Variants in ADAMTS9 observed in about 807,000 individuals in gnomAD.
ADAMTS9 encodes the protein A disintegrin and metalloproteinase with thrombospondin motifs 9.
In ADAMTS9, 107 loss-of-function variants were observed where a neutral mutation model predicts 257.1. The observed-to-expected ratio is 0.42, with a 90% CI of 0.36 to 0.49. The LOEUF (loss-of-function observed/expected upper bound fraction) is 0.49. Among genes scored for constraint, ADAMTS9 ranks in the 20% least tolerant of loss-of-function variants. The pLI, the probability that ADAMTS9 is intolerant of heterozygous loss-of-function variation, is 0.03. For synonymous variants in ADAMTS9, 982 were observed against 880.9 expected, an observed-to-expected ratio of 1.11 and a Z score of -2.03; for missense variants, 2,353 against 2,469.1, an observed-to-expected ratio of 0.95 and a Z score of 1.00.
At chr3:64,640,972 A>T (rs1037196018) in intron 12 of ADAMTS9, among the ~76,000 whole-genome samples, 3 of 152,196 alleles carry the variant, frequency 2.0e-5, no homozygotes, top group African/African-American at 7.2e-5. Flanking sequence ...GAAAGGCAAG[A>T]GACTCCCAAT....
chr3:64,562,408 A>G (rs1435326663), intron 29 of ADAMTS9, among the ~76,000 whole-genome samples: 1 of 152,192 alleles, frequency 6.6e-6, no homozygotes, highest in Non-Finnish European at 1.5e-5. Flanking sequence ...CAGCCCTTGA[A>G]AAATATTGTT....
intron 30 of ADAMTS9, among the ~76,000 whole-genome samples, chr3:64,555,892 A>C (rs920525455): frequency 3.3e-5 from 5 of 152,122 alleles, no homozygotes; most frequent in African/African-American, 1.2e-4. Context: ...GGATTTTTAG[A>C]GCATCCCTAA....
chr3:64,588,658 A>C (rs2084204733), intron 28 of ADAMTS9: 1 of 152,112 alleles, frequency 6.6e-6, no homozygotes, highest in Non-Finnish European at 1.5e-5. Flanking sequence ...TCCTCCTCAG[A>C]GTCCAATAAC....
chr3:64,571,045 T>C (rs1016941120), intron 28 of ADAMTS9, among the ~76,000 whole-genome samples: 9 of 152,192 alleles, frequency 5.9e-5, no homozygotes, highest in Middle Eastern at 3.2e-3. Flanking sequence ...CACTTCAATA[T>C]ACAAATAGTC....
intron 2 of ADAMTS9, among the ~76,000 whole-genome samples, chr3:64,683,215 G>T (rs544580967): frequency 2.6e-5 from 4 of 152,174 alleles, no homozygotes; most frequent in Non-Finnish European, 4.4e-5. Flanking sequence ...AAGAGCCAGG[G>T]AGCTCAGCTG....
At chr3:64,677,124 T>C (rs1240208332) in intron 3 of ADAMTS9, among the ~76,000 whole-genome samples, 1 of 152,190 alleles carries the variant, frequency 6.6e-6, no homozygotes, top group Non-Finnish European at 1.5e-5. Context: ...AGGGCTCCCA[T>C]AGGCCTTTTG....
In ADAMTS9 at chr3:64,649,649, C is replaced by T. The variant is rs1222345387; in HGVS notation, c.1593G>A (p.Val531=). ...CTCCTACACTTACCATATATGGGCA[C>T]ACCTGAGAACCTGGTCCAAAAATCA... ...CELIFGPGSQ[V]CPYMMQCRRL... The change falls in exon 10 of 40, where the codon GTG becomes GTA. Residue 531 remains valine (V), a synonymous_variant. Coordinates refer to ENST00000498707, the MANE Select transcript of ADAMTS9 (RefSeq NM_182920.2). The T allele has an allele frequency of 3.7e-6, 6 of 1,613,162 alleles. No homozygotes were observed. In the East Asian group the frequency reaches 1.1e-4, roughly 30 times the overall value.
intron 16 of ADAMTS9, 89 bp downstream of exon 16, chr3:64,631,365 TG>T (rs1413734510): frequency 2.0e-6 from 2 of 1,014,438 alleles, no homozygotes; most frequent in Non-Finnish European, 3.1e-6. Context: ...CTGAAAGCTC[TG>T]CCTCTGCATG....
chr3:64,582,255 T>C (rs903362895), intron 28 of ADAMTS9, among the ~76,000 whole-genome samples: 3 of 152,174 alleles, frequency 2.0e-5, no homozygotes, highest in Admixed American at 6.5e-5. Flanking sequence ...AGTTCATGTA[T>C]AGGAAAGCCA....
At chr3:64,621,733 G>T (rs1700109783) in intron 18 of ADAMTS9, among the ~76,000 whole-genome samples, 1 of 150,312 alleles carries the variant, frequency 6.7e-6, no homozygotes, top group Non-Finnish European at 1.5e-5. Flanking sequence ...CTGCACTCCA[G>T]CCTGGGCGAC....
chr3:64,627,955 A>C (rs78126620), intron 16 of ADAMTS9, among the ~76,000 whole-genome samples: 1,547 of 152,328 alleles, frequency 0.01, 26 homozygotes, highest in African/African-American at 0.035. Flanking sequence ...AAATATTTAC[A>C]TATGCCAGAC....
intron 11 of ADAMTS9, among the ~76,000 whole-genome samples, chr3:64,646,763 C>G (rs1275118239): frequency 2.0e-5 from 3 of 152,182 alleles, no homozygotes; most frequent in Non-Finnish European, 4.4e-5. Flanking sequence ...CTTTGACCAG[C>G]AGAAACTATA....
chr3:64,664,096 G>A (rs1701287570), intron 3 of ADAMTS9, among the ~76,000 whole-genome samples: 1 of 152,056 alleles, frequency 6.6e-6, no homozygotes, highest in South Asian at 2.1e-4. Context: ...AATGCTAAAG[G>A]AGGAATAGAG....
At chr3:64,631,678 C>A in intron 15 of ADAMTS9, 128 bp from the exon 16 acceptor site, 2 of 1,169,012 alleles carry the variant, frequency 1.7e-6, no homozygotes, top group Non-Finnish European at 2.5e-6. Context: ...GCCTTCTAGT[C>A]GATGGATAAT....
intron 28 of ADAMTS9, among the ~76,000 whole-genome samples, chr3:64,575,695 G>A (rs990372205): frequency 3.9e-5 from 6 of 152,174 alleles, no homozygotes; most frequent in African/African-American, 1.4e-4. Context: ...GCCACTAGGG[G>A]CAAGTGACTT....
intron 31 of ADAMTS9, among the ~76,000 whole-genome samples, chr3:64,548,013 C>T (rs929693198): frequency 1.2e-4 from 18 of 152,188 alleles, no homozygotes; most frequent in African/African-American, 9.6e-5. Flanking sequence ...TCTAGACTTA[C>T]GGTTCTTGGG....
chr3:64,644,309 G>C (rs1035803761), intron 11 of ADAMTS9, among the ~76,000 whole-genome samples: 3 of 152,178 alleles, frequency 2.0e-5, no homozygotes, highest in Admixed American at 1.3e-4. Context: ...ATCACAAAGA[G>C]GCAGGAATGG....
chr3:64,554,460 G>A (rs6445411), intron 30 of ADAMTS9, among the ~76,000 whole-genome samples: 1 of 151,956 alleles, frequency 6.6e-6, no homozygotes, highest in African/African-American at 2.4e-5. Context: ...AAAACAAATC[G>A]AGTCCATGCT....
In ADAMTS9 at chr3:64,686,687, C is replaced by T. The variant is rs770247728; in HGVS notation, c.397G>A (p.Gly133Arg). The change falls in exon 2 of 40, where the codon GGG becomes AGG. Residue 133 changes from glycine (G) to arginine (R), a missense_variant. Gly to Arg is a moderately radical substitution (Grantham distance 125, BLOSUM62 -2). This residue lies in a region of ADAMTS9 where 591 missense variants were observed against 569.6 expected (regional missense o/e 1.04). Transcript: ENST00000498707. The surrounding 1 kb of genome is among the most constrained non-coding windows in gnomAD (Gnocchi z 4.6). The part of the protein sequence containing the change: ...LFTVTLLGTP[G>R]VNQTKFYSEE... The stretch of plus-strand genomic sequence containing the variant: ...GAATAAAACTTGGTCTGATTCACCC[C>T]GGGCGTCCCGAGGAGGGTGACAGTG... The T allele has an allele frequency of 2.8e-5, 45 of 1,614,070 alleles. No homozygotes were observed. In the South Asian group the frequency reaches 4.7e-4, roughly 17 times the overall value.
Sources: allele counts gnomAD v4.1 joint callset (sites outside exome capture counted in the v4.1 genomes callset), GRCh38; gene constraint gnomAD v4.1.1; regional missense constraint gnomAD v4.1.1; non-coding constraint Gnocchi (gnomAD v3.1); transcripts MANE v1.5; gene names NCBI Gene and HGNC (gene_info 2026-07-23, HGNC 2026-07-21).